Variants in MAP2K1 observed in about 807,000 individuals in gnomAD.
MAP2K1 encodes the protein mitogen-activated protein kinase kinase 1, also known as dual specificity mitogen-activated protein kinase kinase 1.
Under a neutral mutation model 46.3 loss-of-function variants are expected in MAP2K1, and 16 were observed. The ratio of observed to expected loss-of-function variants is 0.35; its 90% CI spans 0.23 to 0.52. MAP2K1 has a LOEUF of 0.52. Among genes scored for constraint, MAP2K1 ranks in the 20% least tolerant of loss-of-function variants. The pLI, the probability that MAP2K1 is intolerant of heterozygous loss-of-function variation, is 0.94. For synonymous variants in MAP2K1, 183 were observed against 185.6 expected, an observed-to-expected ratio of 0.99 and a Z score of 0.11; for missense variants, 263 against 497.1, an observed-to-expected ratio of 0.53 and a Z score of 4.48.
chr15:66,391,492 G>GT (rs2093356161), intron 1 of MAP2K1, among the ~76,000 whole-genome samples: 1 of 152,150 alleles, frequency 6.6e-6, no homozygotes, highest in Non-Finnish European at 1.5e-5. Context: ...GTTTCACCAT[G>GT]TTAGCCAGGA....
intron 1 of MAP2K1, among the ~76,000 whole-genome samples, chr15:66,416,767 G>T (rs968386266): frequency 6.6e-6 from 1 of 152,292 alleles, no homozygotes; most frequent in African/African-American, 2.4e-5. Flanking sequence ...ATTGGACTTG[G>T]AAGGTTTGGG....
intron 1 of MAP2K1, among the ~76,000 whole-genome samples, chr15:66,420,759 GTATGTGTGTATATATA>G (rs767822830): frequency 2.5e-5 from 1 of 40,080 alleles, no homozygotes; most frequent in African/African-American, 9.6e-5. Context: ...GTGTGTGTGT[GTATGTGTGTATATATA>G]TGTGTATATA....
chr15:66,409,349 G>A (rs755115960), intron 1 of MAP2K1, among the ~76,000 whole-genome samples: 23 of 152,248 alleles, frequency 1.5e-4, no homozygotes, highest in African/African-American at 4.6e-4. Flanking sequence ...ATTCTGTGGC[G>A]TTCTCTTAGC....
intron 6 of MAP2K1, among the ~76,000 whole-genome samples, chr15:66,482,158 G>GC (rs1384504268): frequency 1.3e-5 from 2 of 152,144 alleles, no homozygotes; most frequent in Non-Finnish European, 2.9e-5. Context: ...GTGAGCTCCA[G>GC]CTCCCCTCTG....
intron 1 of MAP2K1, chr15:66,415,278 G>A (rs907464253): frequency 1.4e-4 from 51 of 353,010 alleles, no homozygotes; most frequent in Middle Eastern, 1.0e-3. Flanking sequence ...CCTTATTGGC[G>A]TAAACTATCA....
At chr15:66,392,396 C>G (rs1261832953) in intron 1 of MAP2K1, among the ~76,000 whole-genome samples, 1 of 150,510 alleles carries the variant, frequency 6.6e-6, no homozygotes. Context: ...TCAGGCTGGT[C>G]TTGAACTCTT....
At chr15:66,449,003 C>CAAAAAAAAAAA in intron 5 of MAP2K1, among the ~76,000 whole-genome samples, 67 of 47,728 alleles carry the variant, frequency 1.4e-3, no homozygotes, top group Non-Finnish European at 1.7e-3. Context: ...GACACTGTCT[C>CAAAAAAAAAAA]AAAAAAAAAA....
At chr15:66,476,663 C>T (rs1392039239) in intron 5 of MAP2K1, among the ~76,000 whole-genome samples, 1 of 152,112 alleles carries the variant, frequency 6.6e-6, no homozygotes, top group Non-Finnish European at 1.5e-5. Context: ...CATGGAAAGG[C>T]AGGCAGAGGG....
At chr15:66,463,204 CCTT>C (rs1892374092) in intron 5 of MAP2K1, among the ~76,000 whole-genome samples, 1 of 152,146 alleles carries the variant, frequency 6.6e-6, no homozygotes, top group African/African-American at 2.4e-5. Context: ...CTCCTTTCTC[CCTT>C]CTTCATTTGT....
At chr15:66,478,400 G>A (rs1359750898) in intron 5 of MAP2K1, among the ~76,000 whole-genome samples, 3 of 109,114 alleles carry the variant, frequency 2.7e-5, no homozygotes, top group South Asian at 2.7e-4. Flanking sequence ...ATATGTGTGT[G>A]TATATATATA....
intron 1 of MAP2K1, among the ~76,000 whole-genome samples, chr15:66,426,476 A>G (rs1158327187): frequency 6.6e-6 from 1 of 152,188 alleles, no homozygotes; most frequent in African/African-American, 2.4e-5. Flanking sequence ...GTTTCTTCTC[A>G]AGAATGAAAA....
chr15:66,462,428 C>T (rs1326063687), intron 5 of MAP2K1, among the ~76,000 whole-genome samples: 6 of 140,044 alleles, frequency 4.3e-5, no homozygotes, highest in Admixed American at 7.7e-5. Flanking sequence ...ACCCGGGAGG[C>T]GGAGGTTGCA....
intron 3 of MAP2K1, 32 bp downstream of exon 3, chr15:66,436,924 T>C (rs1432215945): frequency 1.2e-6 from 2 of 1,613,028 alleles, no homozygotes; most frequent in Non-Finnish European, 1.7e-6. Flanking sequence ...TCTGGAGCAA[T>C]GGCCTTAAGA....
At chr15:66,403,793 A>G (rs1214245891) in intron 1 of MAP2K1, among the ~76,000 whole-genome samples, 2 of 152,198 alleles carry the variant, frequency 1.3e-5, no homozygotes, top group Non-Finnish European at 2.9e-5. Flanking sequence ...AGTTTTACAA[A>G]TTAGATCAGA....
chr15:66,387,456 G>A, intron 1 of MAP2K1, 29 bp downstream of exon 1: 1 of 1,548,438 alleles, frequency 6.5e-7, no homozygotes, highest in African/African-American at 1.4e-5. Context: ...GTGAACCTCG[G>A]GGCCCGGCTG....
intron 5 of MAP2K1, among the ~76,000 whole-genome samples, chr15:66,478,163 T>G (rs1892803159): frequency 6.6e-6 from 1 of 151,278 alleles, no homozygotes; most frequent in Admixed American, 6.6e-5. Context: ...TCAAATGTCC[T>G]CTCCTCACAG....
At chr15:66,485,225 T>C (rs148028986) in intron 7 of MAP2K1, 34 bp downstream of exon 7, 18 of 1,592,056 alleles carry the variant, frequency 1.1e-5, no homozygotes, top group Non-Finnish European at 1.4e-5. Context: ...TCTTGGACTG[T>C]TGGAGGGGAG....
At position 66,470,093 on chromosome 15, in the gene MAP2K1, T is replaced by C. The variant is rs1262019743; in HGVS notation, c.569-11662T>C. Among the ~76,000 whole-genome samples, 3 of 90,992 alleles carry C rather than the reference T, an allele frequency of 3.3e-5. No individual in the cohort carries two copies. In the East Asian group the frequency reaches 1.1e-3, roughly 32 times the overall value. 59.7% of individuals were successfully genotyped at this position (90,992 alleles called of 152,430 possible). A position where few individuals can be genotyped will look rare whatever the true frequency, so the allele number is the denominator to read the frequency against. On this transcript the variant is annotated intron_variant, in intron 5 of 10. Transcript: ENST00000307102. ...CCTCCACCATGCCACTTTTTTTTCT[T>C]GTTTTTTTTTTTTTTTTTTTTTTTT... is the stretch of plus-strand genomic sequence containing the variant.
At chr15:66,453,664 TG>T (rs1483632774) in intron 5 of MAP2K1, 2 of 593,040 alleles carry the variant, frequency 3.4e-6, no homozygotes, top group Admixed American at 5.5e-5. Flanking sequence ...TATTCTTCAC[TG>T]ATGAAATTTC....
Sources: gnomAD v4.1 joint callset for allele counts (sites outside exome capture counted in the v4.1 genomes callset) on GRCh38, gnomAD v4.1.1 for gene constraint, MANE v1.5 for transcripts, NCBI Gene and HGNC (gene_info 2026-07-23, HGNC 2026-07-21) for gene names.